The following HMCN1 variants were observed in gnomAD, a reference collection of about 807,000 sequenced individuals.
HMCN1 encodes hemicentin 1.
HMCN1 carries 321 observed loss-of-function variants against 625.9 expected under a neutral mutation model. That is an observed-to-expected ratio of 0.51 (90% confidence interval 0.47 to 0.56). The LOEUF (loss-of-function observed/expected upper bound fraction) is 0.56. HMCN1 is among the 20% of genes least tolerant of loss of function. The pLI is 0.00. For missense variants in HMCN1, 6,588 were observed against 6,887.3 expected (o/e 0.96, Z 1.54); for synonymous variants, 2,425 against 2,417.6 (o/e 1.00, Z -0.09).
At chr1:185,941,500 T>C (rs926679958) in intron 11 of HMCN1, among the ~76,000 whole-genome samples, 1 of 152,216 alleles carries the variant, frequency 6.6e-6, no homozygotes, top group African/African-American at 2.4e-5. Context: ...AGGACTGTGT[T>C]ACAGAGTAAG....
chr1:186,059,830 A>G (rs962979744), intron 46 of HMCN1, among the ~76,000 whole-genome samples: 2 of 152,170 alleles, frequency 1.3e-5, no homozygotes, highest in East Asian at 3.9e-4. Flanking sequence ...GTCAGAACCC[A>G]TTTTTGGTTT....
chr1:186,107,289 G>C (rs183685790), intron 70 of HMCN1, among the ~76,000 whole-genome samples: 30 of 152,126 alleles, frequency 2.0e-4, no homozygotes, highest in African/African-American at 7.2e-4. Flanking sequence ...GTGCAAATCT[G>C]ATTCTTATAT....
chr1:185,758,585 T>C (rs982630994), intron 1 of HMCN1, among the ~76,000 whole-genome samples: 2 of 152,096 alleles, frequency 1.3e-5, no homozygotes, highest in Non-Finnish European at 2.9e-5. Context: ...GCAGTGAGCC[T>C]TGATCACACC....
intron 1 of HMCN1, among the ~76,000 whole-genome samples, chr1:185,828,446 C>T (rs1267796981): frequency 2.0e-5 from 3 of 152,052 alleles, no homozygotes; most frequent in East Asian, 3.9e-4. Flanking sequence ...TAGAACAAAA[C>T]AATAACAGAA....
chr1:186,078,288 A>G, intron 55 of HMCN1, 68 bp downstream of exon 55: 3 of 1,112,200 alleles, frequency 2.7e-6, no homozygotes, highest in East Asian at 2.5e-5. Flanking sequence ...TAATGTTTGC[A>G]GGATGTTACA....
At chr1:185,811,702 G>A (rs1005592955) in intron 1 of HMCN1, among the ~76,000 whole-genome samples, 6 of 151,334 alleles carry the variant, frequency 4.0e-5, no homozygotes, top group African/African-American at 1.5e-4. Context: ...GAAAGAAAAG[G>A]CAGTCTTATT....
intron 4 of HMCN1, among the ~76,000 whole-genome samples, chr1:185,902,249 T>G (rs1665843571): frequency 6.6e-6 from 1 of 151,514 alleles, no homozygotes; most frequent in Non-Finnish European, 1.5e-5. Flanking sequence ...AAATTTTTTT[T>G]TTGTTTAGTA....
chr1:186,096,750 C>T (rs1463986412), intron 68 of HMCN1, among the ~76,000 whole-genome samples: 2 of 152,016 alleles, frequency 1.3e-5, no homozygotes, highest in African/African-American at 2.4e-5. Flanking sequence ...CATACACAAT[C>T]AATAAATGTG....
chr1:185,879,536 C>T (rs1032233689), intron 4 of HMCN1, among the ~76,000 whole-genome samples: 3 of 152,136 alleles, frequency 2.0e-5, no homozygotes, highest in Non-Finnish European at 2.9e-5. Flanking sequence ...TATTAAGTCA[C>T]TCATTCACTC....
intron 82 of HMCN1, among the ~76,000 whole-genome samples, chr1:186,126,750 G>A (rs913195478): frequency 1.3e-5 from 2 of 152,170 alleles, no homozygotes; most frequent in African/African-American, 4.8e-5. Flanking sequence ...AGTGATAAAT[G>A]GAGGCCAAAT....
chr1:185,876,072 CA>C (rs2102379833), intron 4 of HMCN1, among the ~76,000 whole-genome samples: 1 of 152,160 alleles, frequency 6.6e-6, no homozygotes, highest in African/African-American at 2.4e-5. Flanking sequence ...CCACCCTCCC[CA>C]CATTTTGTAG....
chr1:185,734,809 A>G lies in HMCN1; in HGVS notation c.30A>G (p.Val10=). The change falls in exon 1 of 107, where the codon GTA becomes GTG. Residue 10 remains valine (V), a synonymous_variant. Coordinates refer to ENST00000271588, the MANE Select transcript of HMCN1 (RefSeq NM_031935.3). ...TTTCCTGGGAAGTTGTCCATACAGT[A>G]TTCCTGTTTGCTCTTCTTTATTCTT... The part of the protein sequence containing the change: MISWEVVHT[V]FLFALLYSSL... 2 of 1,614,128 alleles carry G rather than the reference A, an allele frequency of 1.2e-6. No homozygotes were observed. The highest frequency in any genetic ancestry group is 3.3e-5 in the Admixed American group (2 of 60,022).
At position 186,065,239 on chromosome 1, in the gene HMCN1, G is replaced by A. The variant is rs41317479; in HGVS notation, c.7515G>A (p.Gly2505=). 6.2e-7 allele frequency: 1 copy of A among 1,610,750 alleles called. No individual in the cohort carries two copies. Among genetic ancestry groups the A allele is most frequent in the Non-Finnish European group, 8.5e-7 (1 of 1,179,168 alleles). The change falls in exon 49 of 107, where the codon GGG becomes GGA. Residue 2505 remains glycine (G), a splice_region_variant and synonymous_variant. Transcript: ENST00000271588. ...ACTCTCAGAAATGGATTTTTACAGG[G>A]AATCCAGTGCCAGAAATTACATGGC... ...QSVTLTCEVT[G]NPVPEITWHK... is the part of the protein sequence containing the mutation.
chr1:185,892,768 G>T (rs922220780), intron 4 of HMCN1, among the ~76,000 whole-genome samples: 1 of 152,152 alleles, frequency 6.6e-6, no homozygotes, highest in South Asian at 2.1e-4. Flanking sequence ...CTTTTTGTTT[G>T]TCTGTGCCCT....
chr1:185,827,666 C>G (rs1045156878), intron 1 of HMCN1, among the ~76,000 whole-genome samples: 1 of 150,714 alleles, frequency 6.6e-6, no homozygotes, highest in Non-Finnish European at 1.5e-5. Flanking sequence ...TTTGGAGTCA[C>G]GAATAAAAAT....
chr1:185,964,388 A>G (rs1345480395), intron 13 of HMCN1, among the ~76,000 whole-genome samples: 1 of 152,160 alleles, frequency 6.6e-6, no homozygotes, highest in African/African-American at 2.4e-5. Flanking sequence ...TCTTAGTCAA[A>G]TAAAGGATAA....
At chr1:185,744,672 G>A (rs528643730) in intron 1 of HMCN1, among the ~76,000 whole-genome samples, 2 of 152,336 alleles carry the variant, frequency 1.3e-5, no homozygotes, top group South Asian at 4.1e-4. Flanking sequence ...CAGACCCAGA[G>A]CAGTGCACCT....
intron 1 of HMCN1, among the ~76,000 whole-genome samples, chr1:185,765,370 A>G (rs1655807147): frequency 6.6e-6 from 1 of 152,212 alleles, no homozygotes; most frequent in African/African-American, 2.4e-5. Context: ...TGGGAAGCCA[A>G]ATTAGACATA....
Position 186,112,967 on chromosome 1 carries a change from T to C in HMCN1, c.11131+14T>C. The C allele has an allele frequency of 1.9e-6, 3 of 1,613,572 alleles. No individual in the cohort carries two copies. The highest frequency in any genetic ancestry group is 2.5e-6 in the Non-Finnish European group (3 of 1,179,812). On this transcript the variant is annotated intron_variant, in intron 72 of 106. Coordinates refer to ENST00000271588, the MANE Select transcript of HMCN1 (RefSeq NM_031935.3). The stretch of plus-strand genomic sequence containing the variant: ...TCACTGTAAATGGTAAGAAAAGGTA[T>C]TCATTGTTCCACAATTTAAAAATCT...
Sources: gnomAD v4.1 joint callset for allele counts (sites outside exome capture counted in the v4.1 genomes callset) on GRCh38, gnomAD v4.1.1 for gene constraint, MANE v1.5 for transcripts, NCBI Gene and HGNC (gene_info 2026-07-23, HGNC 2026-07-21) for gene names.